Variants in TIPIN observed in about 807,000 individuals in gnomAD.
TIPIN encodes the protein TIMELESS-interacting protein.
In TIPIN, 29 loss-of-function variants were observed where a neutral mutation model predicts 35.6. That is an observed-to-expected ratio of 0.82 (90% confidence interval 0.61 to 1.11). The LOEUF is 1.11. Ranked by LOEUF, TIPIN falls within the 50% of genes most tolerant of loss-of-function variation. The probability of loss-of-function intolerance (pLI) is 0.00; values close to 1 mark genes in which losing one functional copy is unlikely to be tolerated. For missense variants in TIPIN, 296 were observed against 345.4 expected, an observed-to-expected ratio of 0.86 and a Z score of 1.13; for synonymous variants, 102 against 121.5, an observed-to-expected ratio of 0.84 and a Z score of 1.06.
intron 1 of TIPIN, among the ~76,000 whole-genome samples, chr15:66,374,714 G>T (rs1211348781): frequency 6.6e-6 from 1 of 152,078 alleles, no homozygotes; most frequent in Non-Finnish European, 1.5e-5. Context: ...CAAGTAGCTG[G>T]GATTACAGGT....
chr15:66,350,795 C>T (rs1211528872), intron 4 of TIPIN, among the ~76,000 whole-genome samples: 1 of 151,228 alleles, frequency 6.6e-6, no homozygotes, highest in African/African-American at 2.4e-5. Flanking sequence ...ATTAGCCAGG[C>T]CTGTTGGCGG....
intron 1 of TIPIN, among the ~76,000 whole-genome samples, chr15:66,369,353 CT>C (rs59189335): frequency 4.2e-5 from 5 of 118,598 alleles, no homozygotes; most frequent in Admixed American, 1.0e-4. Context: ...TTCACAATAT[CT>C]TTTTTTTTTT....
chr15:66,370,592 AG>A (rs762571727), intron 1 of TIPIN, among the ~76,000 whole-genome samples: 1 of 152,194 alleles, frequency 6.6e-6, no homozygotes, highest in Non-Finnish European at 1.5e-5. Flanking sequence ...CCAAACTCAC[AG>A]GAGCTTAAAA....
At chr15:66,385,301 T>TGTTTCCTTTGTTCTGTACAC (rs951036928) in intron 1 of TIPIN, among the ~76,000 whole-genome samples, 5 of 152,178 alleles carry the variant, frequency 3.3e-5, no homozygotes, top group South Asian at 2.1e-4. Context: ...CAGGTGTAGA[T>TGTTTCCTTTGTTCTGTACAC]GTTTCCTTTG....
chr15:66,358,262 GA>G, upstream of TIPIN, among the ~76,000 whole-genome samples: 1 of 152,148 alleles, frequency 6.6e-6, no homozygotes, highest in East Asian at 1.9e-4. Flanking sequence ...AGTGGGATGG[GA>G]ACTTAACTAT....
intron 1 of TIPIN, among the ~76,000 whole-genome samples, chr15:66,377,032 C>G (rs961866624): frequency 6.9e-6 from 1 of 144,728 alleles, no homozygotes; most frequent in Non-Finnish European, 1.5e-5. Context: ...CGCTTGAACC[C>G]GTGAGGTGGA....
At chr15:66,360,357 C>A (rs1401534621), upstream of TIPIN, among the ~76,000 whole-genome samples, 1 of 151,956 alleles carries the variant, frequency 6.6e-6, no homozygotes, top group East Asian at 1.9e-4. Flanking sequence ...TGTAATCCCA[C>A]CACTTTGGGA....
At chr15:66,355,979 AC>A (rs1036432489) in intron 1 of TIPIN, among the ~76,000 whole-genome samples, 1 of 152,104 alleles carries the variant, frequency 6.6e-6, no homozygotes, top group Non-Finnish European at 1.5e-5. Context: ...TGCTCAATAG[AC>A]GACTTTTACT....
intron 1 of TIPIN, among the ~76,000 whole-genome samples, chr15:66,383,850 T>A (rs1320336765): frequency 6.6e-6 from 1 of 152,164 alleles, no homozygotes. Context: ...TTTTAGCTGC[T>A]CGTCATACTT....
At chr15:66,350,945 A>AC (rs2093163778) in intron 4 of TIPIN, among the ~76,000 whole-genome samples, 2 of 150,884 alleles carry the variant, frequency 1.3e-5, no homozygotes, top group South Asian at 4.1e-4. Flanking sequence ...TCTTAAAAAA[A>AC]AAAAAAAAAA....
Position 66,349,137 on chromosome 15 carries a change from G to T in TIPIN, c.412-14C>A. 1 of 1,609,008 alleles carries T rather than the reference G, an allele frequency of 6.2e-7. No individual in the cohort carries two copies. The highest frequency in any genetic ancestry group is 8.5e-7 in the Non-Finnish European group (1 of 1,177,364). Reference sequence around the variant, plus strand: ...TTTTAAACAGGTCTGAAAATGAAAAGAGATTATTTATTTTTACCTCTTTAC... The same window carrying T: ...TTTTAAACAGGTCTGAAAATGAAAATAGATTATTTATTTTTACCTCTTTAC... On this transcript the variant is annotated splice_polypyrimidine_tract_variant and intron_variant, in intron 5 of 7. Coordinates refer to ENST00000261881, the MANE Select transcript of TIPIN (RefSeq NM_017858.3).
chr15:66,342,203 A>T (rs2093093572), intron 6 of TIPIN, among the ~76,000 whole-genome samples: 1 of 150,798 alleles, frequency 6.6e-6, no homozygotes, highest in Non-Finnish European at 1.5e-5. Flanking sequence ...AAAAAAAAAA[A>T]AAAAAGAAAG....
chr15:66,365,514 T>A (rs530766358), intron 1 of TIPIN, among the ~76,000 whole-genome samples: 4 of 152,306 alleles, frequency 2.6e-5, no homozygotes, highest in African/African-American at 9.6e-5. Context: ...TATACTCAGT[T>A]AAGCAGCCCA....
chr15:66,355,868 CAGTACCTA>C (rs926771381), intron 1 of TIPIN, among the ~76,000 whole-genome samples: 23 of 152,134 alleles, frequency 1.5e-4, no homozygotes, highest in South Asian at 4.1e-4. Flanking sequence ...AGTTTGATGA[CAGTACCTA>C]AAATATATTA....
chr15:66,384,161 T>G (rs1329097240), intron 1 of TIPIN, among the ~76,000 whole-genome samples: 2 of 151,262 alleles, frequency 1.3e-5, no homozygotes, highest in Non-Finnish European at 2.9e-5. Flanking sequence ...CACGCCCGGC[T>G]AATTTTTTGT....
At position 66,351,853 on chromosome 15, in the gene TIPIN, A is replaced by G. The variant is rs1191146412; in HGVS notation, c.213-253T>C. Among the ~76,000 whole-genome samples the G allele has an allele frequency of 3.3e-5, 5 of 152,046 alleles. No homozygotes were observed. The East Asian group carries it at 9.7e-4, about 29-fold the overall frequency. ...ACGGGGTTTCACCGTATTAGCCAGG[A>G]TGGTCTCAATCTCCTGACCTCGTGA... On this transcript the variant is annotated intron_variant, in intron 3 of 7. Coordinates refer to ENST00000261881, the MANE Select transcript of TIPIN (RefSeq NM_017858.3).
intron 1 of TIPIN, among the ~76,000 whole-genome samples, chr15:66,378,250 C>T (rs1051374068): frequency 6.6e-6 from 1 of 152,144 alleles, no homozygotes; most frequent in African/African-American, 2.4e-5. Flanking sequence ...ATCCGCCCAC[C>T]TAGGCTTCCC....
upstream of TIPIN, among the ~76,000 whole-genome samples, chr15:66,359,713 G>C (rs755933748): frequency 6.6e-6 from 1 of 152,026 alleles, no homozygotes; most frequent in Non-Finnish European, 1.5e-5. Flanking sequence ...GAGACAAGAG[G>C]CATTCTTTTA....
intron 7 of TIPIN, among the ~76,000 whole-genome samples, chr15:66,340,178 T>A (rs944686826): frequency 8.3e-5 from 11 of 132,190 alleles, no homozygotes; most frequent in Admixed American, 1.5e-4. Context: ...GGCCTTTTTT[T>A]TTTTTTTTTT....
Sources: allele counts gnomAD v4.1 joint callset (sites outside exome capture counted in the v4.1 genomes callset), GRCh38; gene constraint gnomAD v4.1.1; transcripts MANE v1.5; gene names NCBI Gene and HGNC (gene_info 2026-07-23, HGNC 2026-07-21).